Variants in SLC39A11 observed in about 807,000 individuals in gnomAD.
SLC39A11 encodes zinc transporter ZIP11.
SLC39A11 carries 33 observed loss-of-function variants against 36.1 expected under a neutral mutation model. That is an observed-to-expected ratio of 0.91 (90% CI 0.69 to 1.22). The LOEUF (loss-of-function observed/expected upper bound fraction) is 1.22. Ranked by LOEUF, SLC39A11 falls within the 50% of genes most tolerant of loss-of-function variation. The pLI is 0.00. For missense variants in SLC39A11, 432 were observed against 430.3 expected (o/e 1.00, Z -0.03); for synonymous variants, 166 against 170.3 (o/e 0.97, Z 0.20).
chr17:72,794,505 A>G (rs2076825410), intron 6 of SLC39A11, among the ~76,000 whole-genome samples: 1 of 152,018 alleles, frequency 6.6e-6, no homozygotes, highest in Non-Finnish European at 1.5e-5. Context: ...AGTGCTTATC[A>G]TGGTCCCCAA....
At chr17:73,054,020 G>C (rs994499521) in intron 3 of SLC39A11, among the ~76,000 whole-genome samples, 8 of 152,098 alleles carry the variant, frequency 5.3e-5, no homozygotes, top group African/African-American at 1.9e-4. Flanking sequence ...AGCACACATG[G>C]GGGGTCTGGA....
chr17:72,975,735 G>A (rs191851016), intron 4 of SLC39A11, among the ~76,000 whole-genome samples: 14 of 152,258 alleles, frequency 9.2e-5, no homozygotes, highest in South Asian at 4.2e-4. Flanking sequence ...GATAGAAAGC[G>A]AACAATGACT....
chr17:73,090,527 C>T (rs1338550678), intron 1 of SLC39A11, among the ~76,000 whole-genome samples: 1 of 152,212 alleles, frequency 6.6e-6, no homozygotes. Context: ...ATCATCTATT[C>T]CGAGTTGCTG....
At chr17:72,675,617 G>A (rs1002722493) in intron 7 of SLC39A11, among the ~76,000 whole-genome samples, 2 of 152,184 alleles carry the variant, frequency 1.3e-5, no homozygotes, top group African/African-American at 4.8e-5. Context: ...CAGCAAACTG[G>A]CTGAGAACTT....
intron 4 of SLC39A11, among the ~76,000 whole-genome samples, 191 bp from the exon 5 acceptor site, chr17:72,948,066 G>A (rs965507829): frequency 6.6e-6 from 1 of 152,098 alleles, no homozygotes; most frequent in East Asian, 1.9e-4. Context: ...CCAGGTATAG[G>A]ACTTTAGTGG....
intron 6 of SLC39A11, among the ~76,000 whole-genome samples, chr17:72,844,541 C>T (rs551400236): frequency 1.6e-4 from 25 of 152,230 alleles, no homozygotes; most frequent in Middle Eastern, 3.4e-3. Flanking sequence ...TCGTGGCATG[C>T]GCCTGTAGTC....
chr17:72,745,589 G>A (rs1013460889), intron 6 of SLC39A11, among the ~76,000 whole-genome samples: 1 of 152,132 alleles, frequency 6.6e-6, no homozygotes, highest in Non-Finnish European at 1.5e-5. Flanking sequence ...GTATGCTGTT[G>A]TGAAGCCACT....
chr17:72,865,409 T>A lies in SLC39A11; in HGVS notation c.431-15605A>T, dbSNP rs369064545. ...TGTGGTCTCTGAAGAAAAAAACTGC[T>A]CGAAAAAAAAAAAAAAAACAACTTT... On this transcript the variant is annotated intron_variant, in intron 5 of 9. Transcript: ENST00000255559. 4.7e-3 allele frequency among the ~76,000 whole-genome samples: 459 copies of A among 96,662 alleles called. 3 individuals carry two copies. Among genetic ancestry groups the A allele is most frequent in the African/African-American group, 0.017 (427 of 24,452 alleles). The allele number at this position is 96,662 out of a possible 152,430, so 63.4% of individuals were successfully genotyped here. A position where few individuals can be genotyped will look rare whatever the true frequency, so the allele number is the denominator to read the frequency against.
intron 5 of SLC39A11, among the ~76,000 whole-genome samples, chr17:72,917,587 CA>C (rs2083406247): frequency 6.6e-6 from 1 of 152,180 alleles, no homozygotes; most frequent in Middle Eastern, 3.4e-3. Flanking sequence ...AAAAGATGGA[CA>C]AGAGGAGGGA....
At chr17:72,991,162 A>T (rs1003562133) in intron 4 of SLC39A11, among the ~76,000 whole-genome samples, 1 of 152,190 alleles carries the variant, frequency 6.6e-6, no homozygotes, top group Non-Finnish European at 1.5e-5. Context: ...TCTCCGCACC[A>T]ATTAGAGGTA....
At chr17:72,986,405 A>T (rs959129222) in intron 4 of SLC39A11, among the ~76,000 whole-genome samples, 2 of 152,140 alleles carry the variant, frequency 1.3e-5, no homozygotes, top group African/African-American at 4.8e-5. Context: ...AGAAATACAG[A>T]CGTCTAAGCT....
chr17:72,882,359 CT>C (rs2081236136), intron 5 of SLC39A11, among the ~76,000 whole-genome samples: 1 of 83,714 alleles, frequency 1.2e-5, no homozygotes, highest in African/African-American at 9.4e-5. Context: ...ATTCCTATAT[CT>C]AAAAAAAAAA....
At chr17:72,775,871 C>T (rs527636066) in intron 6 of SLC39A11, among the ~76,000 whole-genome samples, 1 of 152,354 alleles carries the variant, frequency 6.6e-6, no homozygotes, top group African/African-American at 2.4e-5. Flanking sequence ...TGGCCCCGGC[C>T]GGCTTCGTAT....
At chr17:72,861,129 G>C (rs1003503272) in intron 5 of SLC39A11, among the ~76,000 whole-genome samples, 4 of 152,178 alleles carry the variant, frequency 2.6e-5, no homozygotes, top group Non-Finnish European at 4.4e-5. Flanking sequence ...AGAGGCCCAT[G>C]GTGGAGGAGA....
chr17:72,845,578 T>A (rs2079011982), intron 6 of SLC39A11, among the ~76,000 whole-genome samples: 1 of 152,236 alleles, frequency 6.6e-6, no homozygotes, highest in South Asian at 2.1e-4. Context: ...TTTCTTTTTT[T>A]AAATCACTAA....
intron 7 of SLC39A11, among the ~76,000 whole-genome samples, chr17:72,700,680 G>A (rs920114861): frequency 2.0e-5 from 3 of 152,194 alleles, no homozygotes; most frequent in African/African-American, 7.2e-5. Flanking sequence ...CCAAGACTGG[G>A]CAATGTACAA....
rs146776066 is a variant in SLC39A11, at chr17:72,761,580, G to C, written c.602-24861C>G. Among the ~76,000 whole-genome samples, 197 of 152,286 alleles carry C rather than the reference G, an allele frequency of 1.3e-3. 1 individual carries two copies. The highest frequency in any genetic ancestry group is 4.5e-3 in the African/African-American group (186 of 41,554). ...AAACATAATCCTTCTAGCCACCATGGGGTGGAGATACAATCAATGTCTGCA... is the reference window on the plus strand; with the variant it reads ...AAACATAATCCTTCTAGCCACCATGCGGTGGAGATACAATCAATGTCTGCA... On this transcript the variant is annotated intron_variant, in intron 6 of 9. Coordinates refer to ENST00000255559, the MANE Select transcript of SLC39A11 (RefSeq NM_139177.4).
intron 7 of SLC39A11, among the ~76,000 whole-genome samples, chr17:72,658,736 AC>A (rs1439780306): frequency 1.3e-5 from 2 of 152,124 alleles, no homozygotes; most frequent in African/African-American, 4.8e-5. Flanking sequence ...CACAGGTGGG[AC>A]CCAGTGCAAG....
intron 6 of SLC39A11, among the ~76,000 whole-genome samples, chr17:72,740,837 C>T (rs1040454355): frequency 3.3e-5 from 5 of 152,208 alleles, no homozygotes; most frequent in East Asian, 3.9e-4. Flanking sequence ...TGCAATGGCG[C>T]AATCTTGGCT....
Sources: allele counts gnomAD v4.1 joint callset (sites outside exome capture counted in the v4.1 genomes callset), GRCh38; gene constraint gnomAD v4.1.1; transcripts MANE v1.5; gene names NCBI Gene and HGNC (gene_info 2026-07-23, HGNC 2026-07-21).